FGF7: variants seen among roughly 807,000 people sequenced by gnomAD.
The protein encoded by FGF7 is fibroblast growth factor 7.
In FGF7, 6 loss-of-function variants were observed where a neutral mutation model predicts 20.5. The ratio of observed to expected loss-of-function variants is 0.29; its 90% CI spans 0.16 to 0.58. FGF7 has a LOEUF of 0.58. FGF7 is among the 20% of genes least tolerant of loss of function. FGF7 has a pLI of 0.90. For missense variants in FGF7, 144 were observed against 228.8 expected, an observed-to-expected ratio of 0.63 and a Z score of 2.39; for synonymous variants, 64 against 74.7, an observed-to-expected ratio of 0.86 and a Z score of 0.74.
Position 49,424,680 on chromosome 15 carries a change from A to G in FGF7, c.286+97A>G, listed in dbSNP as rs928765064. On this transcript the variant is annotated intron_variant, in intron 2 of 3. Transcript: ENST00000267843. ...TCTCATCTTCCTTTTGCTTCTTGGA[A>G]AAAAAATTAAATAAAATGTCACCTA... 6.3e-6 allele frequency: 6 copies of G among 955,222 alleles called. No homozygotes were observed. In the African/African-American group the frequency reaches 9.9e-5, roughly 16 times the overall value. 59.2% of individuals were successfully genotyped at this position (955,222 alleles called of 1,614,324 possible). A position where few individuals can be genotyped will look rare whatever the true frequency, so the allele number is the denominator to read the frequency against.
chr15:49,456,639 T>A (rs2053321052), intron 2 of FGF7, among the ~76,000 whole-genome samples: 1 of 152,084 alleles, frequency 6.6e-6, no homozygotes, highest in African/African-American at 2.4e-5. Flanking sequence ...ACATAGTAAC[T>A]ACAAAATAAG....
chr15:49,485,169 T>A lies in FGF7; in HGVS notation c.*665T>A, dbSNP rs1356189123. 6.6e-6 allele frequency: 1 copy of A among 152,304 alleles called. No individual in the cohort carries two copies. The highest frequency in any genetic ancestry group is 6.6e-5 in the Admixed American group (1 of 15,234). 9.4% of individuals were successfully genotyped at this position (152,304 alleles called of 1,614,324 possible). ...TAATGCTGCTCAAGTGGAAAGGGTA[T>A]TGCTAAAAGGATGTTTCCAAAAATC... On this transcript the variant is annotated 3_prime_UTR_variant, in exon 4 of 4. Transcript: ENST00000267843.
chr15:49,439,271 G>C lies in FGF7; in HGVS notation c.286+14688G>C, dbSNP rs186627423. 9.7e-3 allele frequency among the ~76,000 whole-genome samples: 1,470 copies of C among 151,308 alleles called. 27 individuals carry two copies. The highest frequency in any genetic ancestry group is 0.015 in the East Asian group (77 of 5,046). On this transcript the variant is annotated intron_variant, in intron 2 of 3. Coordinates refer to ENST00000267843, the MANE Select transcript of FGF7 (RefSeq NM_002009.4). ...GCCTCCTTCAGACTGAGCAATGAGAGGGGTAGGAGAGAGAGAGAGAGAGGG... is the reference window on the plus strand; with the variant it reads ...GCCTCCTTCAGACTGAGCAATGAGACGGGTAGGAGAGAGAGAGAGAGAGGG...
intron 2 of FGF7, chr15:49,424,899 C>T (rs1480917242): frequency 5.8e-6 from 1 of 173,280 alleles, no homozygotes; most frequent in Non-Finnish European, 1.2e-5. Flanking sequence ...TTAATATTGT[C>T]TAAGCAAAAC....
In FGF7 at chr15:49,485,798, C is replaced by G. The variant is rs1001668552; in HGVS notation, c.*1294C>G. Reference sequence around the variant, plus strand: ...TTTAAAGTTAGAATATATTTGAATGCATGGGTAGAAAATATCATATTTTAA... The same window carrying G: ...TTTAAAGTTAGAATATATTTGAATGGATGGGTAGAAAATATCATATTTTAA... On this transcript the variant is annotated 3_prime_UTR_variant, in exon 4 of 4. Transcript: ENST00000267843. 6.6e-6 allele frequency: 1 copy of G among 152,224 alleles called. No homozygotes were observed. The highest frequency in any genetic ancestry group is 2.4e-5 in the African/African-American group (1 of 41,426). 9.4% of individuals were successfully genotyped at this position (152,224 alleles called of 1,614,324 possible). A position where few individuals can be genotyped will look rare whatever the true frequency, so the allele number is the denominator to read the frequency against.
At chr15:49,433,626 T>C (rs1271876384) in intron 2 of FGF7, among the ~76,000 whole-genome samples, 2 of 151,642 alleles carry the variant, frequency 1.3e-5, no homozygotes, top group African/African-American at 4.8e-5. Flanking sequence ...ATTTAATGTC[T>C]TTCTAGGTGA....
chr15:49,427,741 T>C (rs933572932), intron 2 of FGF7, among the ~76,000 whole-genome samples: 10 of 152,072 alleles, frequency 6.6e-5, no homozygotes, highest in African/African-American at 2.2e-4. Flanking sequence ...TTTTTTAAGA[T>C]ACTAGTAAAT....
chr15:49,443,169 A>T (rs996355190), intron 2 of FGF7, among the ~76,000 whole-genome samples: 28 of 151,706 alleles, frequency 1.8e-4, no homozygotes, highest in African/African-American at 5.8e-4. Context: ...AATTTTGTTA[A>T]CTTATTAAAT....
chr15:49,455,429 A>T (rs1030316931), intron 2 of FGF7, among the ~76,000 whole-genome samples: 2 of 152,184 alleles, frequency 1.3e-5, no homozygotes, highest in East Asian at 1.9e-4. Flanking sequence ...TTTCAAACAA[A>T]TTGTATGTTT....
intron 2 of FGF7, among the ~76,000 whole-genome samples, chr15:49,479,329 A>G (rs1243416035): frequency 6.6e-6 from 1 of 152,114 alleles, no homozygotes; most frequent in Non-Finnish European, 1.5e-5. Context: ...TCTATGTAAT[A>G]TGCTTTAAAT....
At chr15:49,463,289 C>T (rs1235158212) in intron 2 of FGF7, among the ~76,000 whole-genome samples, 1 of 152,204 alleles carries the variant, frequency 6.6e-6, no homozygotes, top group Non-Finnish European at 1.5e-5. Context: ...CACAGTGGCT[C>T]ACACCTGTAA....
chr15:49,434,796 CTG>C (rs1199806675), intron 2 of FGF7: 1 of 151,326 alleles, frequency 6.6e-6, no homozygotes, highest in Admixed American at 6.6e-5. Context: ...AATTTGTTCA[CTG>C]TGTATGCTCA....
At chr15:49,452,912 A>T (rs537914694) in intron 2 of FGF7, among the ~76,000 whole-genome samples, 1 of 152,194 alleles carries the variant, frequency 6.6e-6, no homozygotes. Flanking sequence ...AATATTTTAC[A>T]TATTTCAAAG....
chr15:49,474,329 C>A (rs1192782313), intron 2 of FGF7, among the ~76,000 whole-genome samples: 1 of 152,156 alleles, frequency 6.6e-6, no homozygotes, highest in Non-Finnish European at 1.5e-5. Context: ...ATGTCTTCAC[C>A]TCTTTCAAGG....
intron 2 of FGF7, among the ~76,000 whole-genome samples, chr15:49,479,599 GTTTTTTTTT>G (rs56097665): frequency 1.6e-4 from 10 of 63,322 alleles, no homozygotes; most frequent in South Asian, 7.1e-4. Flanking sequence ...TAATACCTCT[GTTTTTTTTT>G]TTTTTTTTTT....
intron 2 of FGF7, among the ~76,000 whole-genome samples, chr15:49,458,351 A>G (rs2053504609): frequency 6.6e-6 from 1 of 152,062 alleles, no homozygotes; most frequent in African/African-American, 2.4e-5. Flanking sequence ...CTTGGCTTTG[A>G]GTCATCTTTA....
At chr15:49,454,797 C>G (rs1486896721) in intron 2 of FGF7, among the ~76,000 whole-genome samples, 1 of 151,820 alleles carries the variant, frequency 6.6e-6, no homozygotes, top group East Asian at 1.9e-4. Context: ...TTTTAGTAGA[C>G]ACAGGGTTTC....
intron 2 of FGF7, among the ~76,000 whole-genome samples, chr15:49,451,082 A>G (rs1415723515): frequency 6.6e-6 from 1 of 152,146 alleles, no homozygotes; most frequent in Non-Finnish European, 1.5e-5. Context: ...TAAGTCAGAT[A>G]TAATCCCATG....
chr15:49,454,196 TC>T (rs1452236037), intron 2 of FGF7, among the ~76,000 whole-genome samples: 1 of 152,214 alleles, frequency 6.6e-6, no homozygotes, highest in East Asian at 1.9e-4. Context: ...TAGCATTTTA[TC>T]ATCAGAAATA....
Sources: gnomAD v4.1 joint callset for allele counts (sites outside exome capture counted in the v4.1 genomes callset) on GRCh38, gnomAD v4.1.1 for gene constraint, MANE v1.5 for transcripts, NCBI Gene and HGNC (gene_info 2026-07-23, HGNC 2026-07-21) for gene names.